CGGBP1: variants seen among roughly 807,000 people sequenced by gnomAD.
CGGBP1 encodes CGG triplet repeat binding protein 1, also known as CGG triplet repeat-binding protein 1.
A neutral mutation model predicts 11.4 loss-of-function variants in CGGBP1; 4 were observed. That is an observed-to-expected ratio of 0.35 (90% CI 0.17 to 0.80). CGGBP1 has a LOEUF of 0.80. Among genes scored for constraint, CGGBP1 ranks in the 30% least tolerant of loss-of-function variants. The pLI is 0.52. For missense variants in CGGBP1, 135 were observed against 202.1 expected, an observed-to-expected ratio of 0.67 and a Z score of 2.01; for synonymous variants, 76 against 74.1, an observed-to-expected ratio of 1.03 and a Z score of -0.13.
chr3:88,126,790 A>C (rs1706131610), intron 2 of CGGBP1, among the ~76,000 whole-genome samples: 1 of 152,060 alleles, frequency 6.6e-6, no homozygotes, highest in Non-Finnish European at 1.5e-5. Context: ...TGACCACATG[A>C]TGAATGTGTG....
chr3:88,133,530 A>ATACT (rs1440491357), intron 2 of CGGBP1, among the ~76,000 whole-genome samples: 1 of 152,126 alleles, frequency 6.6e-6, no homozygotes, highest in Non-Finnish European at 1.5e-5. Flanking sequence ...TCCTGAAGAG[A>ATACT]TACTTGATAG....
At chr3:88,097,624 G>A (rs1454569737) in intron 2 of CGGBP1, among the ~76,000 whole-genome samples, 1 of 151,904 alleles carries the variant, frequency 6.6e-6, no homozygotes, top group Non-Finnish European at 1.5e-5. Context: ...GAAATCACAA[G>A]ATACTGTCTC....
chr3:88,140,296 C>T (rs1707041325), intron 2 of CGGBP1: 1 of 1,613,642 alleles, frequency 6.2e-7, no homozygotes, highest in African/African-American at 1.3e-5. Flanking sequence ...ACACCAGAGT[C>T]ATCTGCACAA....
chr3:88,113,169 C>G, intron 2 of CGGBP1: 1 of 1,533,820 alleles, frequency 6.5e-7, no homozygotes, highest in South Asian at 1.2e-5. Context: ...ATGAAGAGCC[C>G]TTAAAGGATA....
At chr3:88,060,912 T>G (rs1376560630), upstream of CGGBP1, among the ~76,000 whole-genome samples, 2 of 152,170 alleles carry the variant, frequency 1.3e-5, no homozygotes. Context: ...AAATTGCCTT[T>G]TGATTTAATG....
chr3:88,118,298 A>G (rs1273641181), intron 2 of CGGBP1, among the ~76,000 whole-genome samples: 2 of 152,260 alleles, frequency 1.3e-5, no homozygotes, highest in East Asian at 3.9e-4. Flanking sequence ...AAAGGGAGTT[A>G]GGAGGTGGTA....
At chr3:88,061,815 G>T (rs1354769047), upstream of CGGBP1, among the ~76,000 whole-genome samples, 4 of 152,134 alleles carry the variant, frequency 2.6e-5, no homozygotes, top group Non-Finnish European at 5.9e-5. Flanking sequence ...TTTTATTAGT[G>T]AATGACTTAA....
intron 2 of CGGBP1, among the ~76,000 whole-genome samples, chr3:88,138,406 A>C (rs55744603): frequency 2.6e-5 from 4 of 151,630 alleles, no homozygotes; most frequent in Non-Finnish European, 4.4e-5. Context: ...CTTAATCACC[A>C]TAAGTTTATG....
At chr3:88,096,963 T>G (rs1174240027) in intron 2 of CGGBP1, among the ~76,000 whole-genome samples, 1 of 152,154 alleles carries the variant, frequency 6.6e-6, no homozygotes, top group Non-Finnish European at 1.5e-5. Context: ...ATCTCTGTTT[T>G]TCACTTAGAT....
At position 88,109,337 on chromosome 3, in the gene CGGBP1, A is replaced by G. The variant is rs1174044480; in HGVS notation, c.-229+31633T>C. ...AGGACTGAATAGAAATTTCTGTAAG[A>G]TACCAAACCTTCAGTTAGTATATAT... On this transcript the variant is annotated intron_variant, in intron 2 of 3. Coordinates refer to the CGGBP1 transcript ENST00000462901. 1.3e-5 allele frequency among the ~76,000 whole-genome samples: 2 copies of G among 152,160 alleles called. 1 individual carries two copies. The highest frequency in any genetic ancestry group is 4.1e-4 in the South Asian group (2 of 4,834).
chr3:88,136,362 TA>T, intron 2 of CGGBP1, among the ~76,000 whole-genome samples: 1 of 152,280 alleles, frequency 6.6e-6, no homozygotes, highest in South Asian at 2.1e-4. Context: ...AAATAAGAAT[TA>T]AAAATATGAT....
chr3:88,139,979 A>G (rs745892279), intron 2 of CGGBP1: 26 of 1,613,696 alleles, frequency 1.6e-5, no homozygotes, highest in Non-Finnish European at 2.0e-5. Context: ...CAATGACCGT[A>G]CATCCAACCG....
upstream of CGGBP1, chr3:88,059,294 G>A: frequency 2.0e-6 from 3 of 1,532,406 alleles, no homozygotes; most frequent in Non-Finnish European, 2.6e-6. Flanking sequence ...CGCAGGGGCT[G>A]GTACGCGCTG....
intron 2 of CGGBP1, among the ~76,000 whole-genome samples, chr3:88,089,186 C>T (rs1474849391): frequency 1.8e-5 from 2 of 110,332 alleles, no homozygotes; most frequent in Non-Finnish European, 1.8e-5. Context: ...CTCAAGCTTA[C>T]GTATTAAAAA....
At chr3:88,112,892 C>T (rs548563911) in intron 2 of CGGBP1, among the ~76,000 whole-genome samples, 1 of 151,934 alleles carries the variant, frequency 6.6e-6, no homozygotes, top group Non-Finnish European at 1.5e-5. Context: ...TTGTTTCATT[C>T]TATAGTTCTA....
intron 2 of CGGBP1, among the ~76,000 whole-genome samples, chr3:88,138,193 A>T (rs1453382482): frequency 1.3e-5 from 2 of 152,168 alleles, no homozygotes; most frequent in African/African-American, 4.8e-5. Flanking sequence ...TATTTGGATA[A>T]ATAACATTAC....
At chr3:88,123,753 C>T (rs1705921429) in intron 2 of CGGBP1, among the ~76,000 whole-genome samples, 1 of 152,204 alleles carries the variant, frequency 6.6e-6, no homozygotes, top group Non-Finnish European at 1.5e-5. Context: ...TGTCCCAGGA[C>T]TGAGCAGCAG....
At chr3:88,129,626 T>A in intron 2 of CGGBP1, 1 of 1,247,404 alleles carries the variant, frequency 8.0e-7, no homozygotes, top group Non-Finnish European at 1.0e-6. Flanking sequence ...TAAACATTTA[T>A]TGCAACTAGC....
intron 2 of CGGBP1, among the ~76,000 whole-genome samples, chr3:88,134,491 A>G (rs1706653712): frequency 6.6e-6 from 1 of 152,090 alleles, no homozygotes. Flanking sequence ...TGCATCAAAT[A>G]ACAGTGGTCA....
Sources: allele counts gnomAD v4.1 joint callset (sites outside exome capture counted in the v4.1 genomes callset), GRCh38; gene constraint gnomAD v4.1.1; transcripts MANE v1.5; gene names NCBI Gene and HGNC (gene_info 2026-07-23, HGNC 2026-07-21).